The following GALNT17 variants were observed in gnomAD, a reference collection of about 807,000 sequenced individuals.
GALNT17 encodes the protein UDP-GalNAc:polypeptide N-acetylgalactosaminyltransferase-like 3.
In GALNT17, 29 loss-of-function variants were observed where a neutral mutation model predicts 63.7. The ratio of observed to expected loss-of-function variants is 0.46; its 90% confidence interval spans 0.34 to 0.62. GALNT17 has a LOEUF of 0.62. GALNT17 is among the 20% of genes least tolerant of loss of function. GALNT17 has a pLI of 0.01. For missense variants in GALNT17, 603 were observed against 799.6 expected (o/e 0.75, Z 2.97); for synonymous variants, 305 against 318.3 (o/e 0.96, Z 0.45).
chr7:71,443,359 G>T (rs190808892), intron 5 of GALNT17, among the ~76,000 whole-genome samples: 3 of 152,074 alleles, frequency 2.0e-5, no homozygotes, highest in Non-Finnish European at 4.4e-5. Flanking sequence ...GATATTTGTC[G>T]CTTCCGAATC....
intron 1 of GALNT17, among the ~76,000 whole-genome samples, chr7:71,287,923 G>A (rs773355372): frequency 7.9e-5 from 12 of 151,208 alleles, no homozygotes; most frequent in Non-Finnish European, 1.5e-4. Flanking sequence ...GTGGTGGTGC[G>A]CACCTGTAGT....
At chr7:71,367,395 G>A (rs1253353340) in intron 2 of GALNT17, among the ~76,000 whole-genome samples, 2 of 152,198 alleles carry the variant, frequency 1.3e-5, no homozygotes, top group Admixed American at 1.3e-4. Flanking sequence ...GGGGAGGTGG[G>A]AAGGGGACAG....
intron 5 of GALNT17, among the ~76,000 whole-genome samples, chr7:71,466,580 C>T (rs916442947): frequency 1.3e-5 from 2 of 152,058 alleles, no homozygotes; most frequent in African/African-American, 4.8e-5. Context: ...CTAGGTCTTT[C>T]CTGGAGAGTC....
chr7:71,437,056 T>C (rs1288932752), intron 5 of GALNT17, among the ~76,000 whole-genome samples: 2 of 152,144 alleles, frequency 1.3e-5, no homozygotes, highest in African/African-American at 4.8e-5. Flanking sequence ...TCAGCACACA[T>C]TAAATGACAG....
At chr7:71,582,160 C>T (rs1789644863) in intron 6 of GALNT17, among the ~76,000 whole-genome samples, 2 of 151,954 alleles carry the variant, frequency 1.3e-5, no homozygotes, top group African/African-American at 4.8e-5. Flanking sequence ...TGTTATCTAC[C>T]CAGAGGAAAA....
At chr7:71,225,267 C>G (rs1789660395) in intron 1 of GALNT17, among the ~76,000 whole-genome samples, 1 of 152,244 alleles carries the variant, frequency 6.6e-6, no homozygotes, top group Non-Finnish European at 1.5e-5. Flanking sequence ...CCGCACACAG[C>G]CCATAGACTC....
intron 1 of GALNT17, among the ~76,000 whole-genome samples, chr7:71,215,070 C>CT (rs1789452904): frequency 6.6e-6 from 1 of 152,140 alleles, no homozygotes; most frequent in South Asian, 2.1e-4. Flanking sequence ...TCATTTTATC[C>CT]TAAGCTTCTT....
chr7:71,260,670 C>G (rs891302614), intron 1 of GALNT17, among the ~76,000 whole-genome samples: 1 of 151,628 alleles, frequency 6.6e-6, no homozygotes, highest in Non-Finnish European at 1.5e-5. Flanking sequence ...TGGTATGATC[C>G]CAGCTCTCTG....
At chr7:71,643,750 C>T (rs1004314533) in intron 6 of GALNT17, among the ~76,000 whole-genome samples, 1 of 152,108 alleles carries the variant, frequency 6.6e-6, no homozygotes, top group Non-Finnish European at 1.5e-5. Flanking sequence ...CAAACAGACC[C>T]CAGGCCTAGA....
chr7:71,682,665 C>G (rs1301780842), intron 9 of GALNT17, among the ~76,000 whole-genome samples: 1 of 152,086 alleles, frequency 6.6e-6, no homozygotes, highest in Non-Finnish European at 1.5e-5. Flanking sequence ...CCATCTCGGC[C>G]TCTCAAGTAG....
At chr7:71,155,414 C>T (rs1412005548) in intron 1 of GALNT17, among the ~76,000 whole-genome samples, 1 of 151,506 alleles carries the variant, frequency 6.6e-6, no homozygotes, top group African/African-American at 2.4e-5. Flanking sequence ...GCTGGGACCA[C>T]GGATGTGCAC....
chr7:71,655,532 G>A (rs1790816415), intron 6 of GALNT17, among the ~76,000 whole-genome samples: 1 of 152,176 alleles, frequency 6.6e-6, no homozygotes, highest in Non-Finnish European at 1.5e-5. Flanking sequence ...CTGGGCCATG[G>A]TATCTTGAGA....
intron 2 of GALNT17, among the ~76,000 whole-genome samples, chr7:71,377,871 C>G (rs1472960010): frequency 1.3e-5 from 2 of 152,182 alleles, no homozygotes; most frequent in Non-Finnish European, 2.9e-5. Context: ...GTGCTTGCTT[C>G]CCTGTTGCTT....
At chr7:71,525,498 A>G (rs553486213) in intron 5 of GALNT17, among the ~76,000 whole-genome samples, 8 of 151,484 alleles carry the variant, frequency 5.3e-5, no homozygotes, top group African/African-American at 1.9e-4. Context: ...GAGCCACCGC[A>G]CCCGGCCAAC....
At chr7:71,384,918 A>G (rs1045967025) in intron 2 of GALNT17, among the ~76,000 whole-genome samples, 1 of 152,146 alleles carries the variant, frequency 6.6e-6, no homozygotes, top group Non-Finnish European at 1.5e-5. Context: ...TAGCCCATCT[A>G]TTACAGCTGT....
At chr7:71,413,777 G>T (rs1248395882) in intron 3 of GALNT17, among the ~76,000 whole-genome samples, 1 of 152,136 alleles carries the variant, frequency 6.6e-6, no homozygotes, top group Non-Finnish European at 1.5e-5. Context: ...GAATCACACT[G>T]CAGGGACTGG....
At chr7:71,380,544 A>C (rs1313965623) in intron 2 of GALNT17, among the ~76,000 whole-genome samples, 1 of 151,856 alleles carries the variant, frequency 6.6e-6, no homozygotes, top group African/African-American at 2.4e-5. Context: ...CTGGTCTCGA[A>C]CTCCTGGCCT....
intron 1 of GALNT17, among the ~76,000 whole-genome samples, chr7:71,228,237 C>G (rs144879914): frequency 2.6e-5 from 4 of 152,250 alleles, no homozygotes; most frequent in Admixed American, 6.5e-5. Context: ...TGGCTGGACT[C>G]TGCTAAAAGC....
intron 5 of GALNT17, among the ~76,000 whole-genome samples, chr7:71,532,688 A>G (rs1432738797): frequency 6.6e-6 from 1 of 152,194 alleles, no homozygotes; most frequent in Non-Finnish European, 1.5e-5. Context: ...TTGAAGCATT[A>G]GAGGCTACAC....
Sources: gnomAD v4.1 joint callset for allele counts (sites outside exome capture counted in the v4.1 genomes callset) on GRCh38, gnomAD v4.1.1 for gene constraint, MANE v1.5 for transcripts, NCBI Gene and HGNC (gene_info 2026-07-23, HGNC 2026-07-21) for gene names.